ATP5F1A: variants seen among roughly 807,000 people sequenced by gnomAD.
The protein encoded by ATP5F1A is ATP synthase F(1) complex subunit alpha, mitochondrial.
ATP5F1A carries 24 observed loss-of-function variants against 57.4 expected under a neutral mutation model. That is an observed-to-expected ratio of 0.42 (90% CI 0.30 to 0.59). ATP5F1A has a LOEUF of 0.59. Ranked by LOEUF, ATP5F1A falls within the 20% of genes least tolerant of loss-of-function variation. The probability of loss-of-function intolerance (pLI) is 0.19; values close to 1 mark genes in which losing one functional copy is unlikely to be tolerated. For missense variants in ATP5F1A, 494 were observed against 707.9 expected, an observed-to-expected ratio of 0.70 and a Z score of 3.43; for synonymous variants, 251 against 255.5, an observed-to-expected ratio of 0.98 and a Z score of 0.17.
chr18:46,097,836 C>A (rs971233852), intron 1 of ATP5F1A: 1 of 1,123,554 alleles, frequency 8.9e-7, no homozygotes, highest in Non-Finnish European at 1.1e-6. Context: ...GGAACCTCAC[C>A]GATTCAGAAC....
intron 11 of ATP5F1A, 58 bp from the exon 12 acceptor site, chr18:46,084,421 G>C: frequency 6.3e-7 from 1 of 1,582,878 alleles, no homozygotes. Context: ...TTAATGACTA[G>C]CCTAACTACA....
In ATP5F1A at chr18:46,086,272, TTACTG is replaced by T; in HGVS notation, c.1285-20_1285-16del. On this transcript the variant is annotated splice_polypyrimidine_tract_variant and intron_variant, in intron 9 of 11. Coordinates refer to ENST00000398752, the MANE Select transcript of ATP5F1A (RefSeq NM_004046.6). ...GTACCTGCTACCTGCAATACAGAAA[TTACTG>T]TACTGTAACTCAGTGACACAGAGCA... 6.2e-7 allele frequency: 1 copy of T among 1,613,822 alleles called. No individual in the cohort carries two copies. The highest frequency in any genetic ancestry group is 8.5e-7 in the Non-Finnish European group (1 of 1,179,904).
intron 5 of ATP5F1A, among the ~76,000 whole-genome samples, chr18:46,088,964 A>T (rs536694994): frequency 1.5e-4 from 23 of 152,140 alleles, no homozygotes; most frequent in African/African-American, 4.6e-4. Flanking sequence ...AGTCAAACAT[A>T]AATCTGGCCT....
intron 10 of ATP5F1A, 174 bp from the exon 11 acceptor site, chr18:46,084,828 G>A: frequency 1.7e-6 from 1 of 587,034 alleles, no homozygotes; most frequent in Non-Finnish European, 2.7e-6. Context: ...TCCCACCCCT[G>A]ACAGAAAACA....
At position 46,083,658 on chromosome 18, in the gene ATP5F1A, T is replaced by C. The variant is rs895075742; in HGVS notation, c.*624A>G. ...TGCCACATATATCCAGTTTAGGAAT[T>C]TCTCTTAAACACAAAGTACTCTAGA... On this transcript the variant is annotated 3_prime_UTR_variant, in exon 12 of 12. Coordinates refer to ENST00000398752, the MANE Select transcript of ATP5F1A (RefSeq NM_004046.6). 3 of 152,156 alleles carry C rather than the reference T, an allele frequency of 2.0e-5. No homozygotes were observed. The highest frequency in any genetic ancestry group is 4.4e-5 in the Non-Finnish European group (3 of 68,088). The allele number at this position is 152,156 out of a possible 1,614,324, so 9.4% of individuals were successfully genotyped here.
chr18:46,091,835 G>C lies in ATP5F1A; in HGVS notation c.156C>G (p.Ser52=), dbSNP rs755166607. Residue 52 remains serine, a synonymous_variant, in exon 3 of 12, where the codon TCC becomes TCG. Transcript: ENST00000398752. ...HLQKTGTAEM[S]SILEERILGA... ...CAAGAATACGCTCTTCAAGAATAGA[G>C]GACATCTCAGCAGTCCCTATGGAAG... 2 of 1,612,528 alleles carry C rather than the reference G, an allele frequency of 1.2e-6. No homozygotes were observed. The highest frequency in any genetic ancestry group is 1.7e-6 in the Non-Finnish European group (2 of 1,179,632).
Position 46,087,369 on chromosome 18 carries a change from A to T in ATP5F1A, c.923T>A (p.Leu308Ter). 6.2e-7 allele frequency: 1 copy of T among 1,614,208 alleles called. No homozygotes were observed. Among genetic ancestry groups the T allele is most frequent in the Non-Finnish European group, 8.5e-7 (1 of 1,180,040 alleles). ...EYFRDNGKHALIIYDDLSKQA... is the reference protein window; with the variant it reads ...EYFRDNGKHA ...TTTGGATAAGTCGTCATAGATGATC[A>T]AAGCATGTTTGCCATTGTCTCTAAA... The change falls in exon 7 of 12, where the codon TTG becomes TAG. Residue 308 changes from leucine to a stop codon, truncating the protein, a stop_gained. Transcript: ENST00000398752. LOFTEE classifies it high-confidence loss of function.
intron 9 of ATP5F1A, 49 bp downstream of exon 9, chr18:46,086,331 CCTTAAGA>C: frequency 1.2e-6 from 1 of 812,158 alleles, no homozygotes; most frequent in East Asian, 2.4e-5. Flanking sequence ...TATATTAATA[CCTTAAGA>C]TGCTAATCTA....
intron 1 of ATP5F1A, 92 bp downstream of exon 1, chr18:46,098,080 C>T (rs1249148765): frequency 1.4e-5 from 20 of 1,472,288 alleles, no homozygotes; most frequent in Non-Finnish European, 1.7e-5. Flanking sequence ...CGCCACAGCC[C>T]CTCGCCCTCC....
chr18:46,082,992 G>A lies in ATP5F1A; in HGVS notation c.*1290C>T, dbSNP rs1909848648. 1 of 152,208 alleles carries A rather than the reference G, an allele frequency of 6.6e-6. No homozygotes were observed. Among genetic ancestry groups the A allele is most frequent in the Non-Finnish European group, 1.5e-5 (1 of 68,060 alleles). The allele number at this position is 152,208 out of a possible 1,614,324, so 9.4% of individuals were successfully genotyped here. On this transcript the variant is annotated 3_prime_UTR_variant, in exon 12 of 12. Transcript: ENST00000398752. ...TTGAACCCAGGAGGTGAAAGGTGCA[G>A]TGAGCTGAGATTACGCCACTGCTCT...
chr18:46,095,227 T>C, intron 1 of ATP5F1A, 96 bp from the exon 2 acceptor site: 3 of 1,120,214 alleles, frequency 2.7e-6, no homozygotes, highest in Non-Finnish European at 3.8e-6. Context: ...ATCAAAGTAC[T>C]GGTGAAAATG....
chr18:46,095,265 A>T, intron 1 of ATP5F1A, 134 bp from the exon 2 acceptor site: 1 of 770,604 alleles, frequency 1.3e-6, no homozygotes, highest in Non-Finnish European at 2.0e-6. Flanking sequence ...ATTTTGTTTA[A>T]AATGTCAAAT....
At chr18:46,094,210 CATAT>C (rs1568252609) in intron 2 of ATP5F1A, among the ~76,000 whole-genome samples, 1 of 151,802 alleles carries the variant, frequency 6.6e-6, no homozygotes, top group African/African-American at 2.4e-5. Flanking sequence ...CTCTCACACA[CATAT>C]ATATTTAACC....
intron 3 of ATP5F1A, among the ~76,000 whole-genome samples, chr18:46,091,142 C>G (rs1480493385): frequency 6.6e-6 from 1 of 152,172 alleles, no homozygotes; most frequent in East Asian, 1.9e-4. Context: ...TCCACTCTCT[C>G]TAGTTTATCC....
Position 46,082,555 on chromosome 18 carries a change from G to C in ATP5F1A, c.*1727C>G, listed in dbSNP as rs1003549228. ...AAAAATTAGCAGGGCATGGTGGTGG[G>C]TGCCTGTAGTTCCAGCTTCTCGGGA... is the stretch of plus-strand genomic sequence containing the variant. On this transcript the variant is annotated 3_prime_UTR_variant, in exon 12 of 12. Coordinates refer to ENST00000398752, the MANE Select transcript of ATP5F1A (RefSeq NM_004046.6). 6.6e-6 allele frequency: 1 copy of C among 151,762 alleles called. No individual in the cohort carries two copies. The highest frequency in any genetic ancestry group is 1.9e-4 in the East Asian group (1 of 5,160). The allele number at this position is 151,762 out of a possible 1,614,324, so 9.4% of individuals were successfully genotyped here. A position where few individuals can be genotyped will look rare whatever the true frequency, so the allele number is the denominator to read the frequency against.
upstream of ATP5F1A, chr18:46,098,395 C>T: frequency 3.0e-6 from 4 of 1,337,012 alleles, no homozygotes; most frequent in Middle Eastern, 2.8e-4. Context: ...CGCCACTCTG[C>T]ATTTTTTGGC....
intron 3 of ATP5F1A, among the ~76,000 whole-genome samples, chr18:46,091,225 T>C (rs2144195879): frequency 6.6e-6 from 1 of 152,286 alleles, no homozygotes; most frequent in Non-Finnish European, 1.5e-5. Context: ...CTCAACCCAA[T>C]ACAAAGTAGA....
chr18:46,098,232 C>A lies in ATP5F1A; in HGVS notation c.-1G>T, dbSNP rs546539852. 1 of 1,605,996 alleles carries A rather than the reference C, an allele frequency of 6.2e-7. No individual in the cohort carries two copies. Among genetic ancestry groups the A allele is most frequent in the Admixed American group, 1.7e-5 (1 of 59,926 alleles). ...CCGCAGCAACGCGCACGGACAGCAT[C>A]TTTGCAGTTACTCCGCAGGCGGTAC... On this transcript the variant is annotated 5_prime_UTR_variant, in exon 1 of 12. Transcript: ENST00000398752.
At chr18:46,091,274 G>C (rs1800639) in intron 3 of ATP5F1A, among the ~76,000 whole-genome samples, 1 of 151,896 alleles carries the variant, frequency 6.6e-6, no homozygotes, top group South Asian at 2.1e-4. Flanking sequence ...ACCAAAACTC[G>C]CCTTTGAACA....
Sources: allele counts gnomAD v4.1 joint callset (sites outside exome capture counted in the v4.1 genomes callset), GRCh38; gene constraint gnomAD v4.1.1; transcripts MANE v1.5; gene names NCBI Gene and HGNC (gene_info 2026-07-23, HGNC 2026-07-21).